JAK2: variants seen among roughly 807,000 people sequenced by gnomAD.
JAK2 encodes the protein Janus kinase 2.
A neutral mutation model predicts 139.3 loss-of-function variants in JAK2; 86 were observed. The observed-to-expected ratio is 0.62, with a 90% CI of 0.52 to 0.74. The LOEUF (loss-of-function observed/expected upper bound fraction) is 0.74, where lower values mean the gene tolerates loss of function less well. JAK2 is among the 30% of genes least tolerant of loss of function. The probability of loss-of-function intolerance (pLI) is 0.00; values close to 1 mark genes in which losing one functional copy is unlikely to be tolerated. For missense variants in JAK2, 1,421 were observed against 1,360.3 expected, an observed-to-expected ratio of 1.04 and a Z score of -0.70; for synonymous variants, 490 against 437.7, an observed-to-expected ratio of 1.12 and a Z score of -1.49.
intron 8 of JAK2, among the ~76,000 whole-genome samples, chr9:5,059,755 A>G (rs1289036871): frequency 6.6e-6 from 1 of 152,118 alleles, no homozygotes; most frequent in East Asian, 1.9e-4. Context: ...GTGGATGTGT[A>G]CTGGTAGCTA....
intron 13 of JAK2, among the ~76,000 whole-genome samples, chr9:5,073,371 A>G (rs903501540): frequency 3.9e-5 from 6 of 152,156 alleles, no homozygotes; most frequent in Non-Finnish European, 8.8e-5. Context: ...TCCTATATCT[A>G]TCTCTGACAT....
At chr9:5,097,102 A>G (rs910312820) in intron 22 of JAK2, 1 of 152,074 alleles carries the variant, frequency 6.6e-6, no homozygotes, top group Non-Finnish European at 1.5e-5. Context: ...GGGTCTTACC[A>G]TCTTCTCACT....
intron 2 of JAK2, among the ~76,000 whole-genome samples, chr9:5,000,064 T>A (rs1026907030): frequency 6.6e-6 from 1 of 152,204 alleles, no homozygotes; most frequent in African/African-American, 2.4e-5. Context: ...TCATTTCTTT[T>A]GTGAAATGCC....
At chr9:4,999,468 A>C (rs114086601) in intron 2 of JAK2, among the ~76,000 whole-genome samples, 1 of 152,226 alleles carries the variant, frequency 6.6e-6, no homozygotes, top group Admixed American at 6.5e-5. Context: ...AAAGATTACA[A>C]ATGCTTATTG....
chr9:5,114,418 G>A (rs566969058), intron 22 of JAK2: 8 of 499,042 alleles, frequency 1.6e-5, no homozygotes, highest in South Asian at 1.4e-4. Flanking sequence ...TGGATCAAGG[G>A]GGAGACCTAC....
chr9:5,048,120 T>A (rs1203545728), intron 5 of JAK2, among the ~76,000 whole-genome samples: 1 of 152,086 alleles, frequency 6.6e-6, no homozygotes, highest in African/African-American at 2.4e-5. Context: ...TGAGCAGAAT[T>A]TGTTATCTAC....
At chr9:5,046,993 G>A (rs1158904751) in intron 5 of JAK2, among the ~76,000 whole-genome samples, 1 of 151,716 alleles carries the variant, frequency 6.6e-6, no homozygotes, top group Non-Finnish European at 1.5e-5. Flanking sequence ...AAAAATTTTG[G>A]GTGATTTCAG....
chr9:5,120,218 C>T (rs2130842987), intron 22 of JAK2, among the ~76,000 whole-genome samples: 1 of 152,298 alleles, frequency 6.6e-6, no homozygotes, highest in East Asian at 1.9e-4. Flanking sequence ...GCGAGAGGGG[C>T]CAAATGCTGC....
chr9:5,110,226 G>C (rs1822339107), intron 22 of JAK2: 1 of 152,182 alleles, frequency 6.6e-6, no homozygotes, highest in Non-Finnish European at 1.5e-5. Context: ...TATAGTTGTA[G>C]CAGGAGTTTT....
At chr9:5,016,621 A>G (rs936447138) in intron 2 of JAK2, among the ~76,000 whole-genome samples, 1 of 152,222 alleles carries the variant, frequency 6.6e-6, no homozygotes, top group Admixed American at 6.5e-5. Context: ...ACAGCTTAAC[A>G]AATTTTCATA....
At chr9:5,060,416 C>T (rs1182752637) in intron 8 of JAK2, among the ~76,000 whole-genome samples, 1 of 152,198 alleles carries the variant, frequency 6.6e-6, no homozygotes, top group Non-Finnish European at 1.5e-5. Context: ...AGTCAGTCCT[C>T]TCAAACCCTG....
chr9:5,006,319 G>A (rs932653261), intron 2 of JAK2, among the ~76,000 whole-genome samples: 1 of 152,156 alleles, frequency 6.6e-6, no homozygotes, highest in Non-Finnish European at 1.5e-5. Flanking sequence ...AAGAATGCTT[G>A]TGATTTTTGT....
rs963584757 is a variant in JAK2, at chr9:5,129,051, G to GTTCT, written c.*2263_*2266dup. ...ACACTATAATTTGCTATGGAAGAGTGTTCTTTTAACCTAAGGCTTCTAGTT... is the reference window on the plus strand; with the variant it reads ...ACACTATAATTTGCTATGGAAGAGTGTTCTTTCTTTTAACCTAAGGCTTCTAGTT... On this transcript the variant is annotated 3_prime_UTR_variant, in exon 25 of 25. Coordinates refer to ENST00000381652, the MANE Select transcript of JAK2 (RefSeq NM_004972.4). 2.0e-5 allele frequency among the ~76,000 whole-genome samples: 3 copies of GTTCT among 151,940 alleles called. No individual in the cohort carries two copies. The highest frequency in any genetic ancestry group is 7.2e-5 in the African/African-American group (3 of 41,390).
chr9:5,089,808 G>C lies in JAK2; in HGVS notation c.2706G>C (p.Leu902=). ...LRDFEREIEI[L]KSLQHDNIVK... Reference sequence around the variant, plus strand: ...ACTTTGAAAGGGAAATTGAAATCCTGAAATCCCTACAGCATGACAACATTG... The same window carrying C: ...ACTTTGAAAGGGAAATTGAAATCCTCAAATCCCTACAGCATGACAACATTG... The change falls in exon 20 of 25, where the codon CTG becomes CTC. Residue 902 remains leucine (L), a synonymous_variant. Coordinates refer to ENST00000381652, the MANE Select transcript of JAK2 (RefSeq NM_004972.4). 6.3e-7 allele frequency: 1 copy of C among 1,596,516 alleles called. No homozygotes were observed. The highest frequency in any genetic ancestry group is 1.4e-5 in the African/African-American group (1 of 73,538).
chr9:5,096,059 C>T (rs1820962444), intron 22 of JAK2, among the ~76,000 whole-genome samples: 2 of 152,124 alleles, frequency 1.3e-5, no homozygotes, highest in Non-Finnish European at 2.9e-5. Flanking sequence ...CTTATTACCC[C>T]AACCATTATA....
chr9:5,072,279 A>G (rs1485506966), intron 12 of JAK2, among the ~76,000 whole-genome samples: 1 of 152,180 alleles, frequency 6.6e-6, no homozygotes, highest in East Asian at 1.9e-4. Context: ...GCCAAAATAC[A>G]CTTAATTCAT....
intron 2 of JAK2, among the ~76,000 whole-genome samples, chr9:4,991,123 G>A (rs1820217038): frequency 6.6e-6 from 1 of 152,168 alleles, no homozygotes; most frequent in Non-Finnish European, 1.5e-5. Flanking sequence ...CTAAAAGGAA[G>A]GAGAAATTCT....
intron 22 of JAK2, among the ~76,000 whole-genome samples, chr9:5,103,475 G>C (rs959633280): frequency 3.3e-5 from 5 of 151,970 alleles, no homozygotes; most frequent in African/African-American, 1.2e-4. Context: ...AATAATGGGA[G>C]ACTTTAACAC....
At position 5,069,185 on chromosome 9, in the gene JAK2, A is replaced by C; in HGVS notation, c.1490A>C (p.Lys497Thr). ...RSDNIIFQFT[K>T]CCPPKPKDKS... The stretch of plus-strand genomic sequence containing the variant: ...GACAATATAATTTTCCAGTTTACTA[A>C]ATGCTGTCCCCCAAAGCCAAAAGGT... The change falls in exon 11 of 25, where the codon AAA becomes ACA. Residue 497 changes from lysine (K) to threonine (T), a missense_variant. Coordinates refer to ENST00000381652, the MANE Select transcript of JAK2 (RefSeq NM_004972.4). 7 of 1,606,614 alleles carry C rather than the reference A, an allele frequency of 4.4e-6. No individual in the cohort carries two copies. Among genetic ancestry groups the C allele is most frequent in the Non-Finnish European group, 5.9e-6 (7 of 1,177,638 alleles).
Sources: gnomAD v4.1 joint callset for allele counts (sites outside exome capture counted in the v4.1 genomes callset) on GRCh38, gnomAD v4.1.1 for gene constraint, MANE v1.5 for transcripts, NCBI Gene and HGNC (gene_info 2026-07-23, HGNC 2026-07-21) for gene names.